CAST: variants seen among roughly 807,000 people sequenced by gnomAD.
CAST encodes the protein calpastatin, also known as MIR583 host.
In CAST, 76 loss-of-function variants were observed where a neutral mutation model predicts 119.6. The ratio of observed to expected loss-of-function variants is 0.64; its 90% CI spans 0.53 to 0.77. The LOEUF (loss-of-function observed/expected upper bound fraction) is 0.77, where lower values mean the gene tolerates loss of function less well. CAST is among the 30% of genes least tolerant of loss of function. The pLI is 0.00. For missense variants in CAST, 953 were observed against 946.5 expected, an observed-to-expected ratio of 1.01 and a Z score of -0.09; for synonymous variants, 319 against 331.6, an observed-to-expected ratio of 0.96 and a Z score of 0.41.
At chr5:95,992,699 T>C in the CAST span, among the ~76,000 whole-genome samples, 1 of 152,162 alleles carries the variant, frequency 6.6e-6, no homozygotes, top group Non-Finnish European at 1.5e-5. Flanking sequence ...ATAGTGATAA[T>C]GCCAATGTTG....
At chr5:96,361,148 C>T in the CAST span, among the ~76,000 whole-genome samples, 1 of 152,204 alleles carries the variant, frequency 6.6e-6, no homozygotes, top group Non-Finnish European at 1.5e-5. Flanking sequence ...AAACTGCCTA[C>T]TCAAGCCTCA....
chr5:96,421,114 A>G, the CAST span, among the ~76,000 whole-genome samples: 2 of 152,208 alleles, frequency 1.3e-5, no homozygotes, highest in African/African-American at 2.4e-5. Context: ...CCACATGCCT[A>G]GAGCGTGAAG....
the CAST span, among the ~76,000 whole-genome samples, chr5:96,317,805 G>GT: frequency 6.6e-6 from 1 of 151,958 alleles, no homozygotes; most frequent in Non-Finnish European, 1.5e-5. Context: ...TCTTATGGGT[G>GT]TTTTTTTAGG....
chr5:96,679,846 A>G (rs1221122608), intron 2 of CAST, among the ~76,000 whole-genome samples: 1 of 152,082 alleles, frequency 6.6e-6, no homozygotes, highest in Non-Finnish European at 1.5e-5. Context: ...TTTTAATCAC[A>G]AAAGTAATAC....
chr5:96,251,079 G>A, the CAST span, among the ~76,000 whole-genome samples: 1 of 152,196 alleles, frequency 6.6e-6, no homozygotes, highest in South Asian at 2.1e-4. Flanking sequence ...TCCAACTCAT[G>A]TAAGCTCAGA....
At chr5:96,203,713 T>C in the CAST span, among the ~76,000 whole-genome samples, 1 of 152,074 alleles carries the variant, frequency 6.6e-6, no homozygotes, top group African/African-American at 2.4e-5. Context: ...CCTAAACTCA[T>C]GGATCACTTG....
the CAST span, among the ~76,000 whole-genome samples, chr5:96,216,072 T>A: frequency 6.6e-6 from 1 of 152,200 alleles, no homozygotes; most frequent in African/African-American, 2.4e-5. Context: ...CCTCCCAAAG[T>A]GCTGGAATTA....
At chr5:96,314,264 T>A in the CAST span, among the ~76,000 whole-genome samples, 1 of 152,202 alleles carries the variant, frequency 6.6e-6, no homozygotes, top group Non-Finnish European at 1.5e-5. Flanking sequence ...GAGAGGAGAA[T>A]TAAAGTTGTG....
At chr5:96,063,516 T>C in the CAST span, among the ~76,000 whole-genome samples, 10 of 152,134 alleles carry the variant, frequency 6.6e-5, no homozygotes, top group Non-Finnish European at 1.5e-4. Flanking sequence ...TCCAAGAACT[T>C]TCCCTCCTGA....
At chr5:96,364,730 C>T in the CAST span, among the ~76,000 whole-genome samples, 1 of 152,160 alleles carries the variant, frequency 6.6e-6, no homozygotes, top group East Asian at 1.9e-4. Context: ...CTTTATTAGT[C>T]TTGCTGCAGG....
the CAST span, among the ~76,000 whole-genome samples, chr5:96,481,342 C>G: frequency 6.6e-6 from 1 of 152,090 alleles, no homozygotes; most frequent in African/African-American, 2.4e-5. Flanking sequence ...CCTTTAAACA[C>G]AGTTTTGGTA....
At chr5:95,966,937 G>A in the CAST span, among the ~76,000 whole-genome samples, 1 of 152,086 alleles carries the variant, frequency 6.6e-6, no homozygotes, top group African/African-American at 2.4e-5. Context: ...ACTGAACTAT[G>A]TCCAGCATAG....
the CAST span, among the ~76,000 whole-genome samples, chr5:96,126,693 T>G: frequency 1.3e-5 from 2 of 152,162 alleles, no homozygotes; most frequent in African/African-American, 2.4e-5. Context: ...TAATTATAGT[T>G]ATTTGTTTAT....
chr5:96,743,580 C>A, intron 16 of CAST: 1 of 1,592,202 alleles, frequency 6.3e-7, no homozygotes, highest in Non-Finnish European at 8.5e-7. Flanking sequence ...GGGAGTCTCC[C>A]TGACTTCCAG....
At chr5:96,673,534 C>A (rs1266146510) in intron 1 of CAST, among the ~76,000 whole-genome samples, 2 of 152,146 alleles carry the variant, frequency 1.3e-5, no homozygotes, top group Non-Finnish European at 2.9e-5. Flanking sequence ...AGCTGGTTGG[C>A]TGGTTATGAT....
the CAST span, among the ~76,000 whole-genome samples, chr5:96,253,123 T>A: frequency 1.4e-4 from 21 of 152,302 alleles, no homozygotes; most frequent in Middle Eastern, 3.4e-3. Context: ...TTTTAAACTT[T>A]CTTTTCACAC....
At chr5:95,974,199 T>A in the CAST span, among the ~76,000 whole-genome samples, 6 of 152,310 alleles carry the variant, frequency 3.9e-5, no homozygotes, top group African/African-American at 1.4e-4. Flanking sequence ...GCTTCCTGTC[T>A]GGTGGAGTGT....
chr5:96,481,295 C>T, the CAST span, among the ~76,000 whole-genome samples: 2 of 152,130 alleles, frequency 1.3e-5, no homozygotes, highest in South Asian at 4.1e-4. Context: ...ATAACCATGT[C>T]ACAGGTAGCT....
At chr5:96,027,673 G>C in the CAST span, among the ~76,000 whole-genome samples, 1,511 of 152,186 alleles carry the variant, frequency 9.9e-3, 75 homozygotes, top group East Asian at 0.17. Context: ...CTTATTTAAT[G>C]AAGATTTAAC....
Sources: gnomAD v4.1 joint callset for allele counts (sites outside exome capture counted in the v4.1 genomes callset) on GRCh38, gnomAD v4.1.1 for gene constraint, MANE v1.5 for transcripts, NCBI Gene and HGNC (gene_info 2026-07-23, HGNC 2026-07-21) for gene names.